The following SSX7 variants were observed in gnomAD, a reference collection of about 807,000 sequenced individuals.
SSX7 encodes protein SSX7.
In SSX7, 15 loss-of-function variants were observed where a neutral mutation model predicts 14.7. That is an observed-to-expected ratio of 1.02 (90% CI 0.68 to 1.58). SSX7 has a LOEUF of 1.58. SSX7 is among the 40% of genes most tolerant of loss of function. The pLI is 0.00. For missense variants in SSX7, 178 were observed against 146.8 expected (o/e 1.21, Z -1.10); for synonymous variants, 46 against 50.6 (o/e 0.91, Z 0.38).
rs781917481 is a variant in SSX7 at position 52,652,914 on chromosome X, C to G, written c.140G>C (p.Ser47Thr). The G allele has an allele frequency of 5.0e-6, 6 of 1,202,550 alleles. No individual in the cohort carries two copies. The Admixed American group carries it at 6.6e-5, about 13-fold the overall frequency. ...WEKMKSLEKI[S>T]YVYMKRKYEA... ...ATACTTTCTCTTCATATACACATAG[C>G]TGATTTTCTCCAAGGATTTCATCTT... The change falls in exon 3 of 8, where the codon AGC becomes ACC. Residue 47 changes from serine (S) to threonine (T), a missense_variant. Coordinates refer to ENST00000298181, the MANE Select transcript of SSX7 (RefSeq NM_173358.2).
rs1237777867 is a variant in SSX7, at chrX:52,650,275, A to G, written c.330+78T>C. On this transcript the variant is annotated intron_variant, in intron 5 of 7. Transcript: ENST00000298181. ...AGGAGGCAGTGAGGGCATTTTTTAT[A>G]TTCTCCCACTCTTACCAGTGTTTGC... The G allele has an allele frequency of 4.4e-6, 5 of 1,137,421 alleles. No individual in the cohort carries two copies. The East Asian group carries it at 9.0e-5, about 21-fold the overall frequency. The allele number at this position is 1,137,421 out of a possible 1,213,427, so 93.7% of individuals were successfully genotyped here. A position where few individuals can be genotyped will look rare whatever the true frequency, so the allele number is the denominator to read the frequency against.
intron 7 of SSX7, among the ~76,000 whole-genome samples, chrX:52,645,113 C>A (rs1569171657): frequency 9.1e-6 from 1 of 110,050 alleles, no homozygotes; most frequent in Admixed American, 9.7e-5. Flanking sequence ...ACCAAAAATA[C>A]AAAAAAAATT....
At chrX:52,646,764 T>C (rs1471720762) in intron 6 of SSX7, among the ~76,000 whole-genome samples, 2 of 111,471 alleles carry the variant, frequency 1.8e-5, no homozygotes, top group African/African-American at 6.5e-5. Flanking sequence ...TTGACAACCC[T>C]ATAATGGCCG....
At chrX:52,646,354 C>T (rs1225627186) in intron 6 of SSX7, among the ~76,000 whole-genome samples, 1 of 112,604 alleles carries the variant, frequency 8.9e-6, no homozygotes, top group Non-Finnish European at 1.9e-5. Context: ...TGAGCCACGG[C>T]GCCCGTCCGT....
rs1556767096 is a variant in SSX7 at position 52,652,234 on chromosome X, C to A, written c.280+18G>T. ...TGGGCTTGAGGAGACCCTTTCCAGC[C>A]CCTTCCCGTCTACTCACCCTGATTC... On this transcript the variant is annotated intron_variant, in intron 4 of 7. Transcript: ENST00000298181. 8.6e-7 allele frequency: 1 copy of A among 1,165,981 alleles called. No homozygotes were observed. Among genetic ancestry groups the A allele is most frequent in the African/African-American group, 1.8e-5 (1 of 55,696 alleles).
At position 52,649,574 on chromosome X, in the gene SSX7, G is replaced by A. The variant is rs191023709; in HGVS notation, c.330+779C>T. Among the ~76,000 whole-genome samples the A allele has an allele frequency of 2.9e-4, 32 of 111,860 alleles. 1 individual carries two copies. Among genetic ancestry groups the A allele is most frequent in the African/African-American group, 1.0e-3 (32 of 30,854 alleles). On this transcript the variant is annotated intron_variant, in intron 5 of 7. Transcript: ENST00000298181. The stretch of plus-strand genomic sequence containing the variant: ...TGGGGTCACTCATTCAGGGGCCTCC[G>A]AGGGATCCCCTGGGCTGGGATGGGG...
intron 5 of SSX7, 109 bp downstream of exon 5, chrX:52,650,244 G>A: frequency 2.1e-6 from 2 of 959,617 alleles, no homozygotes; most frequent in Non-Finnish European, 1.5e-6. Flanking sequence ...GATAGACATG[G>A]GGAGAAGGAG....
At chrX:52,650,292 A>G (rs1925385251) in intron 5 of SSX7, 61 bp downstream of exon 5, 3 of 1,167,545 alleles carry the variant, frequency 2.6e-6, no homozygotes, top group African/African-American at 3.5e-5. Context: ...CACTCTTACC[A>G]GTGTTTGCAT....
At chrX:52,653,241 A>T in intron 2 of SSX7, 163 bp downstream of exon 2, 1 of 754,077 alleles carries the variant, frequency 1.3e-6, no homozygotes, top group Non-Finnish European at 1.6e-6. Flanking sequence ...GTCTCCAAGG[A>T]TGCTAGTTGA....
chrX:52,653,021 C>G (rs782670816), intron 2 of SSX7, 37 bp from the exon 3 acceptor site: 2 of 1,190,657 alleles, frequency 1.7e-6, no homozygotes, highest in East Asian at 6.1e-5. Flanking sequence ...GTCAGTGACT[C>G]AGCTAGACAT....
chrX:52,653,457 C>T lies in SSX7; in HGVS notation c.16G>A (p.Ala6Thr), dbSNP rs368794828. ...CCAGCCCTAGGTCTCCTTGCAAAGG[C>T]GTCGTCTCCGTTCATGGCACCAGGA... is the stretch of plus-strand genomic sequence containing the variant. MNGDD[A>T]FARRPRAGAQ... is the part of the protein sequence containing the mutation. Residue 6 changes from alanine (A) to threonine (T), a missense_variant, in exon 2 of 8, where the codon GCC becomes ACC. Transcript: ENST00000298181. 1.1e-5 allele frequency: 13 copies of T among 1,211,263 alleles called. No individual in the cohort carries two copies. The South Asian group carries it at 1.6e-4, about 15-fold the overall frequency.
chrX:52,654,506 TACAAGCG>T (rs1364721622), intron 1 of SSX7, among the ~76,000 whole-genome samples: 1 of 106,840 alleles, frequency 9.4e-6, no homozygotes, highest in Non-Finnish European at 1.9e-5. Context: ...CTGCTGGAAT[TACAAGCG>T]TGAGCCACCG....
intron 5 of SSX7, among the ~76,000 whole-genome samples, chrX:52,649,685 T>C (rs183742828): frequency 3.9e-4 from 44 of 111,909 alleles, no homozygotes; most frequent in African/African-American, 1.4e-3. Flanking sequence ...TCCTAAGCCA[T>C]GCAAGTGGTC....
chrX:52,649,047 G>A (rs1556766703), intron 5 of SSX7, among the ~76,000 whole-genome samples: 1 of 109,884 alleles, frequency 9.1e-6, no homozygotes, highest in Non-Finnish European at 1.9e-5. Context: ...TTGTTGTTTT[G>A]TTTTGAGACA....
intron 1 of SSX7, among the ~76,000 whole-genome samples, chrX:52,653,972 G>A (rs1220481329): frequency 9.0e-6 from 1 of 111,295 alleles, no homozygotes; most frequent in Non-Finnish European, 1.9e-5. Context: ...TTCTGTTGAA[G>A]AGAAATGAGC....
At chrX:52,654,464 T>C (rs1264264301) in intron 1 of SSX7, among the ~76,000 whole-genome samples, 1 of 98,229 alleles carries the variant, frequency 1.0e-5, no homozygotes, top group Non-Finnish European at 2.0e-5. Context: ...GCCTCCTGGG[T>C]TCAAGTGATC....
At chrX:52,647,201 G>A (rs1490988830) in intron 6 of SSX7, among the ~76,000 whole-genome samples, 2 of 112,000 alleles carry the variant, frequency 1.8e-5, no homozygotes, top group Admixed American at 9.6e-5. Context: ...AGCTAGCAGA[G>A]GTTGGTTCAT....
chrX:52,646,282 C>A (rs1245948065), intron 6 of SSX7, among the ~76,000 whole-genome samples: 1 of 112,004 alleles, frequency 8.9e-6, no homozygotes, highest in Admixed American at 9.5e-5. Flanking sequence ...CCAGGATGGT[C>A]TCGATCTCCC....
chrX:52,646,537 A>T (rs190330463), intron 6 of SSX7, among the ~76,000 whole-genome samples: 2,500 of 112,164 alleles, frequency 0.022, 84 homozygotes, highest in African/African-American at 0.077. Flanking sequence ...TAGTTTTTTT[A>T]AAATGTACAA....
Sources: gnomAD v4.1 joint callset for allele counts (sites outside exome capture counted in the v4.1 genomes callset) on GRCh38, gnomAD v4.1.1 for gene constraint, MANE v1.5 for transcripts, NCBI Gene and HGNC (gene_info 2026-07-23, HGNC 2026-07-21) for gene names.